Variants in TRABD observed in about 807,000 individuals in gnomAD.
TRABD encodes the protein traB domain-containing protein.
A neutral mutation model predicts 39.6 loss-of-function variants in TRABD; 23 were observed. The ratio of observed to expected loss-of-function variants is 0.58; its 90% CI spans 0.42 to 0.82. TRABD has a LOEUF of 0.82. Among genes scored for constraint, TRABD ranks in the 40% least tolerant of loss-of-function variants. The pLI, the probability that TRABD is intolerant of heterozygous loss-of-function variation, is 0.00. For missense variants in TRABD, 487 were observed against 544.9 expected (o/e 0.89, Z 1.06); for synonymous variants, 243 against 232.1 (o/e 1.05, Z -0.43).
At chr22:50,186,685 G>A (rs1444336174) in intron 1 of TRABD, among the ~76,000 whole-genome samples, 2 of 152,228 alleles carry the variant, frequency 1.3e-5, no homozygotes, top group African/African-American at 4.8e-5. Flanking sequence ...GTCCCCTCCG[G>A]CCCCGCTGAA....
At position 50,197,736 on chromosome 22, in the gene TRABD, T is replaced by C. The variant is rs1338301620; in HGVS notation, c.672-87T>C. ...CCACAAATCCCAAACAAACGTGCTGTGGTCCCTGCCCGGTGTCCACAGTGC... is the reference window on the plus strand; with the variant it reads ...CCACAAATCCCAAACAAACGTGCTGCGGTCCCTGCCCGGTGTCCACAGTGC... On this transcript the variant is annotated intron_variant, in intron 7 of 9. Coordinates refer to ENST00000380909, the MANE Select transcript of TRABD (RefSeq NM_001320485.2). 8 of 1,579,132 alleles carry C rather than the reference T, an allele frequency of 5.1e-6. No individual in the cohort carries two copies. In the African/African-American group the frequency reaches 1.1e-4, roughly 21 times the overall value.
At chr22:50,188,134 G>C (rs1397995654) in intron 1 of TRABD, among the ~76,000 whole-genome samples, 2 of 152,060 alleles carry the variant, frequency 1.3e-5, no homozygotes, top group East Asian at 3.9e-4. Context: ...ACAAAAATTA[G>C]CTGGGGGTGG....
At position 50,199,302 on chromosome 22, in the gene TRABD, C is replaced by T; in HGVS notation, c.*783C>T. The T allele has an allele frequency of 5.2e-6, 3 of 580,472 alleles. No homozygotes were observed. Among genetic ancestry groups the T allele is most frequent in the African/African-American group, 1.9e-5 (1 of 53,310 alleles). 36.0% of individuals were successfully genotyped at this position (580,472 alleles called of 1,614,324 possible). A position where few individuals can be genotyped will look rare whatever the true frequency, so the allele number is the denominator to read the frequency against. On this transcript the variant is annotated 3_prime_UTR_variant, in exon 10 of 10. Transcript: ENST00000380909. ...CGAAGGGGTGCCTGGGGCATCTTGG[C>T]CCTCTCTGGGCAGACAATGTGTGCA...
chr22:50,192,984 T>G (rs2063960733), intron 1 of TRABD, 43 bp from the exon 2 acceptor site: 1 of 1,516,980 alleles, frequency 6.6e-7, no homozygotes, highest in Admixed American at 2.0e-5. Context: ...GAGCCAGGTC[T>G]GGGGCTCCAG....
rs745492176 is a variant in TRABD at position 50,199,113 on chromosome 22, CAG to C, written c.*600_*601del. The C allele has an allele frequency of 1.0e-4, 74 of 718,346 alleles. No individual in the cohort carries two copies. Among genetic ancestry groups the C allele is most frequent in the Admixed American group, 6.8e-4 (34 of 50,158 alleles). The allele number at this position is 718,346 out of a possible 1,614,324, so 44.5% of individuals were successfully genotyped here. On this transcript the variant is annotated 3_prime_UTR_variant, in exon 10 of 10. Transcript: ENST00000380909. ...TCTTTTACTCAGGTAATTTTAATTT[CAG>C]AGAGAAAAACTGAAGTAAATGTCAA...
chr22:50,192,960 A>G, intron 1 of TRABD, 67 bp from the exon 2 acceptor site: 1 of 1,402,022 alleles, frequency 7.1e-7, no homozygotes, highest in Non-Finnish European at 9.8e-7. Flanking sequence ...ACAGGGCACT[A>G]CGCAGTGAGT....
At position 50,194,512 on chromosome 22, in the gene TRABD, C is replaced by A; in HGVS notation, c.279+6C>A. On this transcript the variant is annotated splice_donor_region_variant and intron_variant, in intron 4 of 9. Coordinates refer to ENST00000380909, the MANE Select transcript of TRABD (RefSeq NM_001320485.2). ...GCAAGAGGGACGTTGTGAAGGTGAG[C>A]GCCGCCACCCGCCACATCCCGGACA... 1 of 1,550,322 alleles carries A rather than the reference C, an allele frequency of 6.5e-7. No individual in the cohort carries two copies. The highest frequency in any genetic ancestry group is 8.7e-7 in the Non-Finnish European group (1 of 1,146,966).
rs1330411828 is a variant in TRABD, at chr22:50,197,356, GCACAGGGTGAGGTAGGGGGTGGC to G, written c.531+13_531+35del. ...TTCAGGGAGGCCTTCAAGGAGGTGG[GCACAGGGTGAGGTAGGGGGTGGC>G]CACAGGGATGTGGCTCACAGGGGTG... is the stretch of plus-strand genomic sequence containing the variant. On this transcript the variant is annotated splice_donor_region_variant and intron_variant, in intron 6 of 9. Transcript: ENST00000380909. 2.5e-6 allele frequency: 4 copies of G among 1,613,748 alleles called. No homozygotes were observed. The highest frequency in any genetic ancestry group is 1.1e-5 in the South Asian group (1 of 91,044).
In TRABD at chr22:50,193,167, G is replaced by A. The variant is rs190342675; in HGVS notation, c.33+74G>A. On this transcript the variant is annotated intron_variant, in intron 2 of 9. Coordinates refer to ENST00000380909, the MANE Select transcript of TRABD (RefSeq NM_001320485.2). ...CCCCGCTTTGTGGGCTCTCGGGGTC[G>A]GTCCCTGGCTGTTGTTCTGCAAAGG... The A allele has an allele frequency of 6.6e-5, 97 of 1,460,970 alleles. No individual in the cohort carries two copies. The African/African-American group carries it at 7.9e-4, about 12-fold the overall frequency. The allele number at this position is 1,460,970 out of a possible 1,614,324, so 90.5% of individuals were successfully genotyped here.
Position 50,198,832 on chromosome 22 carries a change from C to G in TRABD, c.*313C>G, listed in dbSNP as rs2147147308. ...TAGGAGGGGCCGAGGCGTGCGCTGC[C>G]CTCTCAGCCCTGGTGGCAGGCGGGG... On this transcript the variant is annotated 3_prime_UTR_variant, in exon 10 of 10. Coordinates refer to ENST00000380909, the MANE Select transcript of TRABD (RefSeq NM_001320485.2). The surrounding 1 kb of genome is among the most constrained non-coding windows in gnomAD (Gnocchi z 7.9). 1.8e-6 allele frequency: 1 copy of G among 545,366 alleles called. No homozygotes were observed. The highest frequency in any genetic ancestry group is 3.3e-6 in the Non-Finnish European group (1 of 306,990). 33.8% of individuals were successfully genotyped at this position (545,366 alleles called of 1,614,324 possible). A position where few individuals can be genotyped will look rare whatever the true frequency, so the allele number is the denominator to read the frequency against.
chr22:50,195,461 G>C (rs9617045), intron 5 of TRABD, among the ~76,000 whole-genome samples: 6 of 151,370 alleles, frequency 4.0e-5, no homozygotes, highest in Non-Finnish European at 7.4e-5. Context: ...TTGTGTTTTC[G>C]GTTTTTGTTT....
chr22:50,195,053 G>A lies in TRABD; in HGVS notation c.420+13G>A, dbSNP rs775032305. 1.3e-5 allele frequency: 21 copies of A among 1,570,482 alleles called. No homozygotes were observed. In the Admixed American group the frequency reaches 1.8e-4, roughly 14 times the overall value. ...GGCCGTGAGGCAGGTGCGCAGCCGC[G>A]GGCAAGGGTCAGGGTCAGGGTCGGG... On this transcript the variant is annotated intron_variant, in intron 5 of 9. Transcript: ENST00000380909.
chr22:50,197,011 TC>T (rs2064136261), intron 5 of TRABD: 2 of 550,234 alleles, frequency 3.6e-6, no homozygotes, highest in Non-Finnish European at 3.2e-6. Context: ...GAAGGTCTTT[TC>T]TGAAGGGAGC....
Position 50,197,873 on chromosome 22 carries a change from T to C in TRABD, c.722T>C (p.Met241Thr). Residue 241 changes from methionine (M) to threonine (T), a missense_variant, in exon 8 of 10, where the codon ATG becomes ACG. Coordinates refer to ENST00000380909, the MANE Select transcript of TRABD (RefSeq NM_001320485.2). Reference protein sequence around the residue: ...CKQKDLLEQMMAEMIGEFPDL... With the variant: ...CKQKDLLEQMTAEMIGEFPDL... ...CAGAAGGACCTACTGGAGCAGATGATGGCCGAGATGATTGGCGAGTTCCCA... is the reference window on the plus strand; with the variant it reads ...CAGAAGGACCTACTGGAGCAGATGACGGCCGAGATGATTGGCGAGTTCCCA... The C allele has an allele frequency of 6.2e-7, 1 of 1,609,244 alleles. No individual in the cohort carries two copies. The highest frequency in any genetic ancestry group is 8.5e-7 in the Non-Finnish European group (1 of 1,179,536).
intron 2 of TRABD, 116 bp downstream of exon 2, chr22:50,193,209 C>T: frequency 7.7e-7 from 1 of 1,299,956 alleles, no homozygotes; most frequent in East Asian, 2.5e-5. Context: ...TCACAGGGTT[C>T]TCCAGGGTCA....
chr22:50,195,208 G>A (rs925826124), intron 5 of TRABD, among the ~76,000 whole-genome samples, 168 bp downstream of exon 5: 1 of 152,196 alleles, frequency 6.6e-6, no homozygotes, highest in Non-Finnish European at 1.5e-5. Context: ...AGAAATGAAA[G>A]AGGCTCCATT....
chr22:50,193,160 C>A, intron 2 of TRABD, 67 bp downstream of exon 2: 4 of 1,479,752 alleles, frequency 2.7e-6, no homozygotes, highest in South Asian at 1.3e-5. Flanking sequence ...TGTGGGCTCT[C>A]GGGGTCGGTC....
chr22:50,194,656 T>C (rs1174190475), intron 4 of TRABD, 150 bp downstream of exon 4: 2 of 1,345,018 alleles, frequency 1.5e-6, no homozygotes, highest in African/African-American at 3.0e-5. Flanking sequence ...AGTGGCAAGG[T>C]GGGCTTCCTG....
intron 1 of TRABD, among the ~76,000 whole-genome samples, chr22:50,188,344 A>G (rs1343624853): frequency 1.3e-5 from 2 of 152,200 alleles, no homozygotes; most frequent in Non-Finnish European, 2.9e-5. Context: ...CAGACCTCAG[A>G]CAATTCTCCT....
Sources: allele counts gnomAD v4.1 joint callset (sites outside exome capture counted in the v4.1 genomes callset), GRCh38; gene constraint gnomAD v4.1.1; non-coding constraint Gnocchi (gnomAD v3.1); transcripts MANE v1.5; gene names NCBI Gene and HGNC (gene_info 2026-07-23, HGNC 2026-07-21).